AGFG2: variants seen among roughly 807,000 people sequenced by gnomAD.
AGFG2 encodes the protein ArfGAP with FG repeats 2, also known as arf-GAP domain and FG repeat-containing protein 2.
A neutral mutation model predicts 48.0 loss-of-function variants in AGFG2; 31 were observed. The observed-to-expected ratio is 0.65, with a 90% confidence interval of 0.49 to 0.87. The LOEUF (loss-of-function observed/expected upper bound fraction) is 0.87, where lower values mean the gene tolerates loss of function less well. Among genes scored for constraint, AGFG2 ranks in the 40% least tolerant of loss-of-function variants. The pLI, the probability that AGFG2 is intolerant of heterozygous loss-of-function variation, is 0.00. For synonymous variants in AGFG2, 229 were observed against 260.8 expected (o/e 0.88, Z 1.18); for missense variants, 599 against 632.6 (o/e 0.95, Z 0.57).
At chr7:100,557,198 CAAA>C (rs745492260) in intron 6 of AGFG2, among the ~76,000 whole-genome samples, 9 of 86,878 alleles carry the variant, frequency 1.0e-4, no homozygotes, top group African/African-American at 1.3e-4. Context: ...ACTCTTGTCT[CAAA>C]AAAAAAAAAA....
chr7:100,548,872 T>C lies in AGFG2; in HGVS notation c.272T>C (p.Phe91Ser), dbSNP rs777002249. Reference protein sequence around the residue: ...HRVKSISMTTFTEPEVVFLQS... With the variant: ...HRVKSISMTTSTEPEVVFLQS... ...GTCAAGTCAATCTCCATGACAACTT[T>C]CACTGAGCCTGAAGTAGTATTCCTG... The change falls in exon 2 of 12, where the codon TTC becomes TCC. Residue 91 changes from phenylalanine (F) to serine (S), a missense_variant. Transcript: ENST00000300176. The C allele has an allele frequency of 4.3e-6, 7 of 1,613,880 alleles. No individual in the cohort carries two copies. The highest frequency in any genetic ancestry group is 5.9e-6 in the Non-Finnish European group (7 of 1,179,854).
Position 100,562,355 on chromosome 7 carries a change from T to C in AGFG2, c.974T>C (p.Val325Ala), listed in dbSNP as rs1800894239. Residue 325 changes from valine (V) to alanine (A), a missense_variant, in exon 7 of 12, where the codon GTG becomes GCG. Coordinates refer to ENST00000300176, the MANE Select transcript of AGFG2 (RefSeq NM_006076.5). The surrounding 1 kb of genome is among the most constrained non-coding windows in gnomAD (Gnocchi z 5.4). Reference protein sequence around the residue: ...ADVGSFLGPGVPAAGVPSSLF... With the variant: ...ADVGSFLGPGAPAAGVPSSLF... ...GTGGGCAGCTTCCTGGGACCCGGGG[T>C]GCCCGCTGCAGGTGTTCCTAGCAGG... 6.2e-7 allele frequency: 1 copy of C among 1,613,820 alleles called. No individual in the cohort carries two copies. The highest frequency in any genetic ancestry group is 8.5e-7 in the Non-Finnish European group (1 of 1,179,928).
chr7:100,547,638 G>T (rs765283144), intron 1 of AGFG2, among the ~76,000 whole-genome samples: 1 of 152,164 alleles, frequency 6.6e-6, no homozygotes, highest in Non-Finnish European at 1.5e-5. Flanking sequence ...GACCAGTTGA[G>T]TGGGGACAAG....
At chr7:100,540,989 C>G (rs1049282401) in intron 1 of AGFG2, among the ~76,000 whole-genome samples, 1 of 126,322 alleles carries the variant, frequency 7.9e-6, no homozygotes, top group African/African-American at 3.1e-5. Context: ...TTCAGCCTGG[C>G]GACAGAGCAA....
At chr7:100,556,654 T>G (rs888521238) in intron 6 of AGFG2, 2 of 1,285,842 alleles carry the variant, frequency 1.6e-6, no homozygotes, top group Admixed American at 4.6e-5. Context: ...CCCCAGAGCC[T>G]ACCCAAGTGC....
chr7:100,550,450 G>C lies in AGFG2; in HGVS notation c.370G>C (p.Asp124His). 1 of 1,614,056 alleles carries C rather than the reference G, an allele frequency of 6.2e-7. No individual in the cohort carries two copies. The highest frequency in any genetic ancestry group is 8.5e-7 in the Non-Finnish European group (1 of 1,180,004). Reference sequence around the variant, plus strand: ...TGATGCTCGGACATCTTTAGTACCAGATTCCAGGGATCCTCAGAAAGTGAA... The same window carrying C: ...TGATGCTCGGACATCTTTAGTACCACATTCCAGGGATCCTCAGAAAGTGAA... ...LFDARTSLVPDSRDPQKVKEF... is the reference protein window; with the variant it reads ...LFDARTSLVPHSRDPQKVKEF... The change falls in exon 3 of 12, where the codon GAT becomes CAT. Residue 124 changes from aspartate (D) to histidine (H), a missense_variant. Physicochemically the swap from Asp to His is moderately conservative, Grantham distance 81. Transcript: ENST00000300176.
intron 1 of AGFG2, among the ~76,000 whole-genome samples, chr7:100,545,498 G>C (rs1800494394): frequency 6.6e-6 from 1 of 152,108 alleles, no homozygotes; most frequent in Non-Finnish European, 1.5e-5. Flanking sequence ...ATGCCCTTTA[G>C]GTGCCCTGTG....
Position 100,565,255 on chromosome 7 carries a change from GA to G in AGFG2, c.*265del. 2 of 558,640 alleles carry G rather than the reference GA, an allele frequency of 3.6e-6. No homozygotes were observed. Among genetic ancestry groups the G allele is most frequent in the Non-Finnish European group, 3.2e-6 (1 of 311,066 alleles). The allele number at this position is 558,640 out of a possible 1,614,324, so 34.6% of individuals were successfully genotyped here. A position where few individuals can be genotyped will look rare whatever the true frequency, so the allele number is the denominator to read the frequency against. On this transcript the variant is annotated 3_prime_UTR_variant, in exon 12 of 12. Coordinates refer to ENST00000300176, the MANE Select transcript of AGFG2 (RefSeq NM_006076.5). ...ACCTGGAGGAGTGATGGTTGAGGGGGAGGGATTTTTTTCAAATGATCAGTCC... is the reference window on the plus strand; with the variant it reads ...ACCTGGAGGAGTGATGGTTGAGGGGGGGGATTTTTTTCAAATGATCAGTCC...
At chr7:100,564,357 ACAATCC>A in intron 11 of AGFG2, 54 bp downstream of exon 11, 1 of 1,551,354 alleles carries the variant, frequency 6.4e-7, no homozygotes, top group Non-Finnish European at 8.8e-7. Flanking sequence ...TCCCTCTGGG[ACAATCC>A]TTCCAGAAGA....
chr7:100,564,952 A>G lies in AGFG2; in HGVS notation c.1407A>G (p.Pro469=). 6.2e-7 allele frequency: 1 copy of G among 1,614,034 alleles called. No homozygotes were observed. The highest frequency in any genetic ancestry group is 8.5e-7 in the Non-Finnish European group (1 of 1,179,970). ...TCCAGACTGGACCCTCATCAAGCCC[A>G]TTCGCCTCCAAACCTCCAACCACCA... ...NPFMTGPSSS[P]FASKPPTTNP... Residue 469 remains proline, a synonymous_variant, in exon 12 of 12, where the codon CCA becomes CCG. Coordinates refer to ENST00000300176, the MANE Select transcript of AGFG2 (RefSeq NM_006076.5).
At chr7:100,550,365 T>A in intron 2 of AGFG2, 31 bp from the exon 3 acceptor site, 4 of 1,217,124 alleles carry the variant, frequency 3.3e-6, no homozygotes, top group Non-Finnish European at 4.7e-6. Flanking sequence ...TGCTTTCTGC[T>A]CCCACTCCTC....
intron 3 of AGFG2, among the ~76,000 whole-genome samples, chr7:100,552,852 A>G (rs1056719177): frequency 2.6e-5 from 4 of 152,154 alleles, no homozygotes; most frequent in Non-Finnish European, 5.9e-5. Flanking sequence ...CCCAGGAAAT[A>G]AAAGAGGGGG....
intron 6 of AGFG2, chr7:100,556,509 A>C (rs1444231450): frequency 8.5e-7 from 1 of 1,183,330 alleles, no homozygotes; most frequent in Non-Finnish European, 1.1e-6. Flanking sequence ...CGTCAGGCTC[A>C]GATGTCTGGG....
Position 100,539,442 on chromosome 7 carries a change from GGTGCGGGA to G in AGFG2, c.98_105del (p.Val33AlafsTer58), listed in dbSNP as rs1199994830. 7.5e-7 allele frequency: 1 copy of G among 1,326,888 alleles called. No homozygotes were observed. Among genetic ancestry groups the G allele is most frequent in the Non-Finnish European group, 9.7e-7 (1 of 1,034,956 alleles). 82.2% of individuals were successfully genotyped at this position (1,326,888 alleles called of 1,614,324 possible). On this transcript the variant is annotated frameshift_variant, in exon 1 of 12. Transcript: ENST00000300176. LOFTEE classifies it high-confidence loss of function. ...CGGCCTCGGAGGTGTGGTGCCGTCG[GGTGCGGGA>G]GCTGGGTGGCTGCAGCCAGGCCGGG... is the stretch of plus-strand genomic sequence containing the variant.
chr7:100,547,529 T>C (rs1416646744), intron 1 of AGFG2, among the ~76,000 whole-genome samples: 1 of 152,106 alleles, frequency 6.6e-6, no homozygotes, highest in Non-Finnish European at 1.5e-5. Context: ...GTGAGGGTAG[T>C]AGACCTAGAC....
chr7:100,548,986 G>A (rs111611146), intron 2 of AGFG2, 71 bp downstream of exon 2: 38 of 1,289,968 alleles, frequency 2.9e-5, no homozygotes, highest in African/African-American at 2.9e-4. Flanking sequence ...AAGATTGTAG[G>A]GAAACCTTAC....
chr7:100,541,251 G>A (rs1009984895), intron 1 of AGFG2, among the ~76,000 whole-genome samples: 5 of 152,178 alleles, frequency 3.3e-5, no homozygotes, highest in East Asian at 1.9e-4. Context: ...TATTTACTTC[G>A]TTTTAACCTC....
At chr7:100,561,739 T>C (rs972501790) in intron 6 of AGFG2, among the ~76,000 whole-genome samples, 1 of 152,204 alleles carries the variant, frequency 6.6e-6, no homozygotes, top group African/African-American at 2.4e-5. Flanking sequence ...CTCAGGGCAC[T>C]GGGGCGGCCT....
chr7:100,564,135 C>T, intron 10 of AGFG2, 83 bp from the exon 11 acceptor site: 1 of 1,543,104 alleles, frequency 6.5e-7, no homozygotes, highest in African/African-American at 1.4e-5. Context: ...TCCCTTACTC[C>T]CCCAGTTTAG....
Sources: allele counts gnomAD v4.1 joint callset (sites outside exome capture counted in the v4.1 genomes callset), GRCh38; gene constraint gnomAD v4.1.1; non-coding constraint Gnocchi (gnomAD v3.1); transcripts MANE v1.5; gene names NCBI Gene and HGNC (gene_info 2026-07-23, HGNC 2026-07-21).